PSMD1: variants seen among roughly 807,000 people sequenced by gnomAD.
The protein encoded by PSMD1 is 26S proteasome non-ATPase regulatory subunit 1.
Under a neutral mutation model 119.0 loss-of-function variants are expected in PSMD1, and 18 were observed. The observed-to-expected ratio is 0.15, with a 90% CI of 0.10 to 0.22. The LOEUF is 0.22. Ranked by LOEUF, PSMD1 falls within the 10% of genes least tolerant of loss-of-function variation. The pLI is 1.00. For missense variants in PSMD1, 702 were observed against 1,158.5 expected (o/e 0.61, Z 5.72); for synonymous variants, 374 against 396.6 (o/e 0.94, Z 0.68).
intron 9 of PSMD1, among the ~76,000 whole-genome samples, chr2:231,077,498 C>T (rs967763693): frequency 2.6e-5 from 4 of 152,010 alleles, no homozygotes; most frequent in Admixed American, 6.6e-5. Context: ...TCAGCCTGCT[C>T]CAAACTCTGT....
In PSMD1 at chr2:231,163,695, C is replaced by T; in HGVS notation, c.2449C>T (p.Leu817=). 2.5e-6 allele frequency: 4 copies of T among 1,612,420 alleles called. No homozygotes were observed. Among genetic ancestry groups the T allele is most frequent in the Non-Finnish European group, 3.4e-6 (4 of 1,178,632 alleles). ...ATCCACATTTGCATATCCTGCCCCT[C>T]TGGAAGTACCAAAAGAAAAAGAAAA... is the stretch of plus-strand genomic sequence containing the variant. ...KPSTFAYPAP[L]EVPKEKEKEK... The change falls in exon 21 of 25, where the codon CTG becomes TTG. Residue 817 remains leucine, a synonymous_variant. Transcript: ENST00000308696.
At chr2:231,134,356 G>T (rs530548108) in intron 16 of PSMD1, among the ~76,000 whole-genome samples, 13 of 152,258 alleles carry the variant, frequency 8.5e-5, no homozygotes, top group African/African-American at 2.9e-4. Context: ...ATTTAGAACC[G>T]CTGTATCAGA....
chr2:231,155,603 T>C (rs1055959094), intron 19 of PSMD1, among the ~76,000 whole-genome samples: 2 of 151,820 alleles, frequency 1.3e-5, no homozygotes, highest in African/African-American at 4.8e-5. Flanking sequence ...TGTTCTTTTT[T>C]TGTAAATTCT....
chr2:231,139,804 G>C (rs1228649884), intron 17 of PSMD1, among the ~76,000 whole-genome samples: 1 of 152,066 alleles, frequency 6.6e-6, no homozygotes, highest in Admixed American at 6.6e-5. Context: ...AGGTAACCTG[G>C]TATTTGTTAA....
Position 231,170,807 on chromosome 2 carries a change from C to A in PSMD1, c.*9+86C>A. 1.5e-6 allele frequency: 2 copies of A among 1,377,744 alleles called. No homozygotes were observed. The highest frequency in any genetic ancestry group is 5.1e-5 in the Admixed American group (2 of 38,912). 85.3% of individuals were successfully genotyped at this position (1,377,744 alleles called of 1,614,324 possible). On this transcript the variant is annotated intron_variant, in intron 24 of 24. Transcript: ENST00000308696. This position sits in a 1 kb window ranked among gnomAD's most constrained non-coding sequence, Gnocchi z 4.1. ...TGCAAGGACATCATCTCACGTTTTT[C>A]CTTCCTTTTGTGTTTAATCCTTATT...
At chr2:231,137,970 T>G (rs575783747) in intron 16 of PSMD1, among the ~76,000 whole-genome samples, 1 of 152,316 alleles carries the variant, frequency 6.6e-6, no homozygotes, top group African/African-American at 2.4e-5. Flanking sequence ...TTTTCACAAC[T>G]GCATACACCT....
At chr2:231,070,567 C>G (rs891983622) in intron 6 of PSMD1, among the ~76,000 whole-genome samples, 9 of 151,940 alleles carry the variant, frequency 5.9e-5, no homozygotes, top group African/African-American at 2.2e-4. Flanking sequence ...CCATACACAC[C>G]AAAACATTTG....
chr2:231,067,441 G>A (rs972051741), intron 5 of PSMD1, among the ~76,000 whole-genome samples: 35 of 152,082 alleles, frequency 2.3e-4, no homozygotes, highest in African/African-American at 8.2e-4. Context: ...CCTGGTTTGC[G>A]GTGTTTGCAA....
intron 2 of PSMD1, among the ~76,000 whole-genome samples, chr2:231,062,021 G>C (rs1693772614): frequency 6.6e-6 from 1 of 152,156 alleles, no homozygotes; most frequent in South Asian, 2.1e-4. Flanking sequence ...CAGCAACCTG[G>C]AGTTAATTGT....
chr2:231,157,442 T>A (rs7563617), intron 19 of PSMD1, among the ~76,000 whole-genome samples: 5 of 150,664 alleles, frequency 3.3e-5, no homozygotes, highest in Non-Finnish European at 5.9e-5. Flanking sequence ...TTTTTTTTTT[T>A]TTTATATCTT....
intron 17 of PSMD1, among the ~76,000 whole-genome samples, chr2:231,141,152 AC>A (rs1303601780): frequency 6.6e-6 from 1 of 152,148 alleles, no homozygotes; most frequent in Non-Finnish European, 1.5e-5. Context: ...TACTAAAAAT[AC>A]AAAAAATTAG....
At chr2:231,127,469 C>T (rs1468012513) in intron 16 of PSMD1, among the ~76,000 whole-genome samples, 1 of 152,168 alleles carries the variant, frequency 6.6e-6, no homozygotes, top group African/African-American at 2.4e-5. Flanking sequence ...ATTCTCCTGT[C>T]TCAGCCTCCC....
At chr2:231,083,460 A>C in intron 13 of PSMD1, 107 bp from the exon 14 acceptor site, 1 of 1,160,814 alleles carries the variant, frequency 8.6e-7, no homozygotes, top group Non-Finnish European at 1.2e-6. Flanking sequence ...ATCAGAAGCT[A>C]ATGATTTTTT....
At chr2:231,087,406 A>G (rs1011864164) in intron 16 of PSMD1, among the ~76,000 whole-genome samples, 3 of 152,164 alleles carry the variant, frequency 2.0e-5, no homozygotes, top group African/African-American at 7.2e-5. Context: ...AGAAGTAGTT[A>G]TTTCTGTTCA....
chr2:231,090,819 A>ATC (rs1694571043), intron 16 of PSMD1, among the ~76,000 whole-genome samples: 1 of 152,204 alleles, frequency 6.6e-6, no homozygotes, highest in South Asian at 2.1e-4. Flanking sequence ...GAAAATAACA[A>ATC]GAGAACTAGA....
At chr2:231,131,195 A>G (rs1695844921) in intron 16 of PSMD1, among the ~76,000 whole-genome samples, 1 of 152,182 alleles carries the variant, frequency 6.6e-6, no homozygotes, top group Non-Finnish European at 1.5e-5. Context: ...GTAAATTGAC[A>G]GTTGAATCTA....
chr2:231,092,648 A>G (rs1694623802), intron 16 of PSMD1, among the ~76,000 whole-genome samples: 1 of 152,176 alleles, frequency 6.6e-6, no homozygotes, highest in South Asian at 2.1e-4. Context: ...TGAGGACATC[A>G]GTATGGTTGC....
intron 16 of PSMD1, among the ~76,000 whole-genome samples, chr2:231,129,722 C>T (rs1172307007): frequency 2.6e-5 from 4 of 152,072 alleles, no homozygotes; most frequent in African/African-American, 9.7e-5. Context: ...TATGGAGGTA[C>T]GAAGAACAAA....
chr2:231,102,896 ATTATATTTGTTATAGCTTATTTG>A (rs1385609398), intron 16 of PSMD1, among the ~76,000 whole-genome samples: 2 of 146,230 alleles, frequency 1.4e-5, no homozygotes, highest in Non-Finnish European at 3.1e-5. Context: ...TAGCTTATTT[ATTATATTTGTTATAGCTTATTTG>A]TTATGAAATT....
Sources: allele counts gnomAD v4.1 joint callset (sites outside exome capture counted in the v4.1 genomes callset), GRCh38; gene constraint gnomAD v4.1.1; non-coding constraint Gnocchi (gnomAD v3.1); transcripts MANE v1.5; gene names NCBI Gene and HGNC (gene_info 2026-07-23, HGNC 2026-07-21).